The following GLP1R variants were observed in gnomAD, a reference collection of about 807,000 sequenced individuals.
The protein encoded by GLP1R is glucagon like peptide 1 receptor, also known as glucagon-like peptide 1 receptor.
A neutral mutation model predicts 68.4 loss-of-function variants in GLP1R; 32 were observed. The observed-to-expected ratio is 0.47, with a 90% CI of 0.35 to 0.63. GLP1R has a LOEUF of 0.63. GLP1R is among the 20% of genes least tolerant of loss of function. The pLI, the probability that GLP1R is intolerant of heterozygous loss-of-function variation, is 0.00. For missense variants in GLP1R, 502 were observed against 594.9 expected (o/e 0.84, Z 1.62); for synonymous variants, 263 against 244.4 (o/e 1.08, Z -0.71).
chr6:39,079,462 C>A lies in GLP1R; in HGVS notation c.1044-102C>A. 1 of 1,210,158 alleles carries A rather than the reference C, an allele frequency of 8.3e-7. No homozygotes were observed. Among genetic ancestry groups the A allele is most frequent in the Non-Finnish European group, 1.2e-6 (1 of 860,884 alleles). 75.0% of individuals were successfully genotyped at this position (1,210,158 alleles called of 1,614,324 possible). On this transcript the variant is annotated intron_variant, in intron 10 of 12. Transcript: ENST00000373256. This position sits in a 1 kb window ranked among gnomAD's most constrained non-coding sequence, Gnocchi z 4.5. Reference sequence around the variant, plus strand: ...TTTGGGGTGGGAGAACATCCATGACCCAGATATCAGGACTTGGTAGGAAGT... The same window carrying A: ...TTTGGGGTGGGAGAACATCCATGACACAGATATCAGGACTTGGTAGGAAGT...
intron 12 of GLP1R, among the ~76,000 whole-genome samples, chr6:39,085,683 T>C (rs1161203640): frequency 2.0e-5 from 3 of 152,200 alleles, no homozygotes; most frequent in African/African-American, 7.2e-5. Flanking sequence ...AAAAGACCAA[T>C]TAGGTCATCA....
In GLP1R at chr6:39,072,877, C is replaced by T. The variant is rs768449925; in HGVS notation, c.525C>T (p.Thr175=). The part of the protein sequence containing the change: ...ILLGFRHLHC[T]RNYIHLNLFA... ...TCTCCCTCAGACACCTGCACTGCAC[C>T]AGGAACTACATCCACCTGAACCTGT... is the stretch of plus-strand genomic sequence containing the variant. The change falls in exon 6 of 13, where the codon ACC becomes ACT. Residue 175 remains threonine, a synonymous_variant. Transcript: ENST00000373256. 8.7e-6 allele frequency: 14 copies of T among 1,613,882 alleles called. No individual in the cohort carries two copies. The East Asian group carries it at 2.7e-4, about 31-fold the overall frequency.
intron 1 of GLP1R, among the ~76,000 whole-genome samples, chr6:39,050,935 A>C (rs533657505): frequency 6.6e-6 from 1 of 152,052 alleles, no homozygotes; most frequent in Non-Finnish European, 1.5e-5. Context: ...GACCTCTGAG[A>C]GTGAGCTGCT....
At position 39,073,612 on chromosome 6, in the gene GLP1R, C is replaced by G. The variant is rs1228779181; in HGVS notation, c.666C>G (p.Asp222Glu). ...HQWDGLLSYQDSLSCRLVFLL... is the reference protein window; with the variant it reads ...HQWDGLLSYQESLSCRLVFLL... ...TGACACCCTTCCTCTACCCCCAGGACTCTCTGAGCTGCCGCCTGGTGTTTC... is the reference window on the plus strand; with the variant it reads ...TGACACCCTTCCTCTACCCCCAGGAGTCTCTGAGCTGCCGCCTGGTGTTTC... The change falls in exon 7 of 13, where the codon GAC (aspartate) becomes GAG (glutamate). Residue 222 changes from aspartate (D) to glutamate (E), a missense_variant and splice_region_variant. Physicochemically the swap from Asp to Glu is conservative, Grantham distance 45 (BLOSUM62 2). Transcript: ENST00000373256. 1 of 1,613,696 alleles carries G rather than the reference C, an allele frequency of 6.2e-7. No homozygotes were observed. The highest frequency in any genetic ancestry group is 8.5e-7 in the Non-Finnish European group (1 of 1,179,762).
chr6:39,049,790 T>C lies in GLP1R; in HGVS notation c.78+872T>C, dbSNP rs900910268. On this transcript the variant is annotated intron_variant, in intron 1 of 12. Coordinates refer to ENST00000373256, the MANE Select transcript of GLP1R (RefSeq NM_002062.5). This position sits in a 1 kb window ranked among gnomAD's most constrained non-coding sequence, Gnocchi z 4.5. ...CTTTTCCTGCCCTGGGATCCTGGGCTAGGGACAGTGGTCAGCTGCTTTTGA... is the reference window on the plus strand; with the variant it reads ...CTTTTCCTGCCCTGGGATCCTGGGCCAGGGACAGTGGTCAGCTGCTTTTGA... Among the ~76,000 whole-genome samples, 2 of 152,132 alleles carry C rather than the reference T, an allele frequency of 1.3e-5. No homozygotes were observed. The highest frequency in any genetic ancestry group is 2.9e-5 in the Non-Finnish European group (2 of 68,024).
intron 3 of GLP1R, among the ~76,000 whole-genome samples, chr6:39,059,818 C>T (rs962607144): frequency 2.0e-5 from 3 of 152,208 alleles, no homozygotes; most frequent in African/African-American, 7.2e-5. Context: ...TCACTCAGCA[C>T]TAAGCCACCC....
chr6:39,073,071 C>T, intron 6 of GLP1R, 56 bp downstream of exon 6: 1 of 1,481,638 alleles, frequency 6.7e-7, no homozygotes, highest in Non-Finnish European at 9.3e-7. Context: ...AGGAGGCCTG[C>T]CTCTGCCACC....
At chr6:39,081,020 C>T (rs1170422653) in intron 12 of GLP1R, among the ~76,000 whole-genome samples, 1 of 151,884 alleles carries the variant, frequency 6.6e-6, no homozygotes, top group Non-Finnish European at 1.5e-5. Flanking sequence ...CCTGAATGAC[C>T]CTCTTTGCTT....
chr6:39,080,536 G>A (rs1222890429), intron 11 of GLP1R, among the ~76,000 whole-genome samples, 162 bp from the exon 12 acceptor site: 3 of 152,212 alleles, frequency 2.0e-5, no homozygotes, highest in Admixed American at 2.0e-4. Context: ...CTTCAGAAAG[G>A]AAATGAGAGG....
intron 7 of GLP1R, 42 bp downstream of exon 7, chr6:39,073,811 G>A (rs201821616): frequency 1.7e-5 from 27 of 1,584,758 alleles, no homozygotes; most frequent in Non-Finnish European, 2.2e-5. Flanking sequence ...TGGCACGGGG[G>A]TGGGAGACCT....
intron 3 of GLP1R, among the ~76,000 whole-genome samples, chr6:39,064,303 C>A (rs1270407032): frequency 6.6e-6 from 1 of 152,210 alleles, no homozygotes; most frequent in Non-Finnish European, 1.5e-5. Context: ...CCACACCCAG[C>A]CGAGACCCAG....
Position 39,087,736 on chromosome 6 carries a change from T to A in GLP1R, c.*1663T>A, listed in dbSNP as rs1429195824. ...AAAACACATCAAGTAGAAAATTTCT[T>A]ATACTTCAGCTTCAGTGAAGTGTTG... On this transcript the variant is annotated 3_prime_UTR_variant, in exon 13 of 13. Transcript: ENST00000373256. 1 of 152,138 alleles carries A rather than the reference T, an allele frequency of 6.6e-6. No individual in the cohort carries two copies. Among genetic ancestry groups the A allele is most frequent in the Non-Finnish European group, 1.5e-5 (1 of 68,026 alleles). The allele number at this position is 152,138 out of a possible 1,614,324, so 9.4% of individuals were successfully genotyped here. A position where few individuals can be genotyped will look rare whatever the true frequency, so the allele number is the denominator to read the frequency against.
intron 12 of GLP1R, among the ~76,000 whole-genome samples, chr6:39,084,483 T>A (rs1324841727): frequency 6.6e-6 from 1 of 152,132 alleles, no homozygotes; most frequent in Non-Finnish European, 1.5e-5. Flanking sequence ...TTTACCATCT[T>A]TCCCCCCCTC....
In GLP1R at chr6:39,091,091, A is replaced by G. The variant is rs1041481330; in HGVS notation, c.*5018A>G. Among the ~76,000 whole-genome samples, 2 of 152,210 alleles carry G rather than the reference A, an allele frequency of 1.3e-5. No individual in the cohort carries two copies. Among genetic ancestry groups the G allele is most frequent in the Admixed American group, 6.5e-5 (1 of 15,284 alleles). On this transcript the variant is annotated 3_prime_UTR_variant, in exon 13 of 13. Transcript: ENST00000373256. Reference sequence around the variant, plus strand: ...TCAGGAGGGACAAAGATAGATTTCTATCTTCAGTGCTCTTGGGGGATGTTT... The same window carrying G: ...TCAGGAGGGACAAAGATAGATTTCTGTCTTCAGTGCTCTTGGGGGATGTTT...
At chr6:39,058,192 G>C (rs768110771) in intron 3 of GLP1R, among the ~76,000 whole-genome samples, 2 of 152,210 alleles carry the variant, frequency 1.3e-5, no homozygotes, top group Non-Finnish European at 2.9e-5. Flanking sequence ...GGTGGGGACA[G>C]ACTCTTGCGG....
Position 39,090,719 on chromosome 6 carries a change from C to T in GLP1R, c.*4646C>T, listed in dbSNP as rs1769260596. On this transcript the variant is annotated 3_prime_UTR_variant, in exon 13 of 13. Coordinates refer to ENST00000373256, the MANE Select transcript of GLP1R (RefSeq NM_002062.5). ...AGCCAGCCTAGACAATGTAGCATGA[C>T]TAATTATTGCTGTGTCAAAGCAATT... Among the ~76,000 whole-genome samples, 1 of 152,160 alleles carries T rather than the reference C, an allele frequency of 6.6e-6. No homozygotes were observed. Among genetic ancestry groups the T allele is most frequent in the South Asian group, 2.1e-4 (1 of 4,820 alleles).
At chr6:39,068,087 T>G (rs761340353) in intron 5 of GLP1R, among the ~76,000 whole-genome samples, 1 of 152,194 alleles carries the variant, frequency 6.6e-6, no homozygotes, top group Non-Finnish European at 1.5e-5. Flanking sequence ...TACAATTGTT[T>G]ATTTTTTTAT....
At chr6:39,066,446 A>T (rs1768521305) in intron 5 of GLP1R, 143 bp downstream of exon 5, 2 of 584,876 alleles carry the variant, frequency 3.4e-6, no homozygotes, top group Non-Finnish European at 6.1e-6. Flanking sequence ...CCCTGACCGT[A>T]GAATATGAGG....
At position 39,071,075 on chromosome 6, in the gene GLP1R, G is replaced by A. The variant is rs945231679; in HGVS notation, c.510-1787G>A. On this transcript the variant is annotated intron_variant, in intron 5 of 12. Coordinates refer to ENST00000373256, the MANE Select transcript of GLP1R (RefSeq NM_002062.5). ...AAGAAATCTTTCCTTGGCTGGGTGC[G>A]GTGGCTCACGCCAGTAATCCCAGCA... 7.2e-5 allele frequency among the ~76,000 whole-genome samples: 11 copies of A among 152,120 alleles called. No individual in the cohort carries two copies. In the East Asian group the frequency reaches 1.5e-3, roughly 21 times the overall value.
Sources: gnomAD v4.1 joint callset for allele counts (sites outside exome capture counted in the v4.1 genomes callset) on GRCh38, gnomAD v4.1.1 for gene constraint, Gnocchi (gnomAD v3.1) non-coding constraint, MANE v1.5 for transcripts, NCBI Gene and HGNC (gene_info 2026-07-23, HGNC 2026-07-21) for gene names.